The following LRRC7 variants were observed in gnomAD, a reference collection of about 807,000 sequenced individuals.
LRRC7 encodes leucine rich repeat containing 7.
In LRRC7, 23 loss-of-function variants were observed where a neutral mutation model predicts 175.7. The ratio of observed to expected loss-of-function variants is 0.13; its 90% CI spans 0.09 to 0.19. The LOEUF is 0.19. Among genes scored for constraint, LRRC7 ranks in the 10% least tolerant of loss-of-function variants. LRRC7 has a pLI of 1.00. For missense variants in LRRC7, 1,354 were observed against 1,904.7 expected, an observed-to-expected ratio of 0.71 and a Z score of 5.38; for synonymous variants, 685 against 680.9, an observed-to-expected ratio of 1.01 and a Z score of -0.09.
intron 8 of LRRC7, among the ~76,000 whole-genome samples, chr1:69,977,363 C>CT (rs1178412276): frequency 1.3e-5 from 2 of 152,072 alleles, no homozygotes; most frequent in African/African-American, 2.4e-5. Context: ...AGTCTATCTC[C>CT]TTTAAAAAAA....
intron 7 of LRRC7, among the ~76,000 whole-genome samples, chr1:69,912,215 T>C (rs1646553000): frequency 6.6e-6 from 1 of 152,116 alleles, no homozygotes; most frequent in Non-Finnish European, 1.5e-5. Flanking sequence ...TAATAACTTT[T>C]TCAATAAAAT....
intron 7 of LRRC7, among the ~76,000 whole-genome samples, chr1:69,856,198 TTGA>T (rs1683596718): frequency 6.6e-6 from 1 of 151,950 alleles, no homozygotes; most frequent in Non-Finnish European, 1.5e-5. Flanking sequence ...TGCTTATTAG[TTGA>T]TGCAGTTTCT....
chr1:70,064,507 A>G (rs761448522), intron 23 of LRRC7, among the ~76,000 whole-genome samples: 3 of 151,800 alleles, frequency 2.0e-5, no homozygotes, highest in Non-Finnish European at 4.4e-5. Context: ...CATATATTTT[A>G]TCACACACAC....
intron 2 of LRRC7, among the ~76,000 whole-genome samples, chr1:69,735,108 ATTAAGGACAG>A (rs1280935140): frequency 6.6e-6 from 1 of 151,984 alleles, no homozygotes; most frequent in African/African-American, 2.4e-5. Context: ...CCTCTCCTAA[ATTAAGGACAG>A]TCTTTTCTAT....
intron 1 of LRRC7, among the ~76,000 whole-genome samples, chr1:69,635,582 T>C (rs890748303): frequency 2.0e-5 from 3 of 152,136 alleles, no homozygotes; most frequent in African/African-American, 7.2e-5. Flanking sequence ...TAAAATGCTT[T>C]TGTAATAAAA....
Position 69,700,362 on chromosome 1 carries a change from C to T in LRRC7, c.100+21884C>T, listed in dbSNP as rs113688967. 1.3e-5 allele frequency among the ~76,000 whole-genome samples: 2 copies of T among 152,320 alleles called. 1 individual carries two copies. Among genetic ancestry groups the T allele is most frequent in the African/African-American group, 4.8e-5 (2 of 41,570 alleles). ...AACAATTCCTGGCATATAGCAAACA[C>T]TATGTAACTATGTGCTATTAGTATT... On this transcript the variant is annotated intron_variant, in intron 2 of 26. Coordinates refer to ENST00000651989, the MANE Select transcript of LRRC7 (RefSeq NM_001370785.2).
intron 7 of LRRC7, among the ~76,000 whole-genome samples, chr1:69,898,200 G>A (rs963698150): frequency 1.3e-5 from 2 of 152,116 alleles, no homozygotes; most frequent in Non-Finnish European, 2.9e-5. Flanking sequence ...CAGAAAATAA[G>A]GAAGGTCTGG....
chr1:69,734,299 C>T (rs542721473), intron 2 of LRRC7, among the ~76,000 whole-genome samples: 39 of 151,784 alleles, frequency 2.6e-4, no homozygotes, highest in African/African-American at 6.8e-4. Flanking sequence ...ACACATACCA[C>T]GGACCCATGA....
chr1:70,023,592 GTGCC>G (rs900189672), intron 17 of LRRC7, among the ~76,000 whole-genome samples: 2 of 151,878 alleles, frequency 1.3e-5, no homozygotes, highest in African/African-American at 4.8e-5. Context: ...TCAATGTGAG[GTGCC>G]TATTGGTGGG....
chr1:69,841,220 T>G (rs1681692772), intron 7 of LRRC7, among the ~76,000 whole-genome samples: 1 of 152,094 alleles, frequency 6.6e-6, no homozygotes, highest in Non-Finnish European at 1.5e-5. Context: ...AGCTCAAGTG[T>G]GCTTCTCTAT....
At chr1:69,574,996 C>A (rs1366864894) in intron 1 of LRRC7, among the ~76,000 whole-genome samples, 1 of 152,072 alleles carries the variant, frequency 6.6e-6, no homozygotes, top group Non-Finnish European at 1.5e-5. Flanking sequence ...ACTGGGCACA[C>A]CACACACATA....
In LRRC7 at chr1:69,961,132, AG is replaced by A. The variant is rs1651039169; in HGVS notation, c.712-19246del. 9.9e-5 allele frequency among the ~76,000 whole-genome samples: 15 copies of A among 152,202 alleles called. 1 individual carries two copies. Among genetic ancestry groups the A allele is most frequent in the Admixed American group, 9.8e-4 (15 of 15,274 alleles). ...TTAAGCTGATAAGCAACTTCAGCAA[AG>A]TCTCAGGATATAAAATCAATATGCA... On this transcript the variant is annotated intron_variant, in intron 8 of 26. Coordinates refer to ENST00000651989, the MANE Select transcript of LRRC7 (RefSeq NM_001370785.2).
chr1:69,916,160 ATT>A (rs1160594736), intron 7 of LRRC7, among the ~76,000 whole-genome samples: 62 of 142,620 alleles, frequency 4.3e-4, no homozygotes, highest in African/African-American at 1.5e-3. Flanking sequence ...TTATATACAT[ATT>A]TTATATATAT....
At chr1:69,875,057 T>A (rs1685924680) in intron 7 of LRRC7, 1 of 152,108 alleles carries the variant, frequency 6.6e-6, no homozygotes, top group South Asian at 2.1e-4. Context: ...AATGTGTTCT[T>A]ATGAATTCTC....
intron 18 of LRRC7, 88 bp downstream of exon 18, chr1:70,028,459 T>TA: frequency 8.8e-7 from 1 of 1,138,424 alleles, no homozygotes; most frequent in Non-Finnish European, 1.2e-6. Flanking sequence ...TCTTCCTTGA[T>TA]AAGTGCATTT....
chr1:69,687,021 A>G (rs1400674627), intron 2 of LRRC7, among the ~76,000 whole-genome samples: 1 of 152,170 alleles, frequency 6.6e-6, no homozygotes, highest in Non-Finnish European at 1.5e-5. Flanking sequence ...AGGTCAGTTC[A>G]TCAAGAGGAC....
At chr1:69,794,189 G>A (rs1164870588) in intron 4 of LRRC7, among the ~76,000 whole-genome samples, 1 of 151,936 alleles carries the variant, frequency 6.6e-6, no homozygotes, top group Non-Finnish European at 1.5e-5. Context: ...ACATAAACAG[G>A]GGACACGGAC....
chr1:69,892,689 T>C (rs772140402), intron 7 of LRRC7, among the ~76,000 whole-genome samples: 1 of 152,210 alleles, frequency 6.6e-6, no homozygotes, highest in Non-Finnish European at 1.5e-5. Context: ...TTTACCTACA[T>C]GTATTATTTC....
chr1:69,960,327 A>C (rs1399829073), intron 8 of LRRC7, among the ~76,000 whole-genome samples: 1 of 150,984 alleles, frequency 6.6e-6, no homozygotes, highest in African/African-American at 2.4e-5. Flanking sequence ...CAGTGGTAAT[A>C]CCCCCCCTTA....
Sources: allele counts gnomAD v4.1 joint callset (sites outside exome capture counted in the v4.1 genomes callset), GRCh38; gene constraint gnomAD v4.1.1; transcripts MANE v1.5; gene names NCBI Gene and HGNC (gene_info 2026-07-23, HGNC 2026-07-21).